The following TAL1 variants were observed in gnomAD, a reference collection of about 807,000 sequenced individuals.
TAL1 encodes the protein T-cell acute lymphocytic leukemia protein 1.
In TAL1, 8 loss-of-function variants were observed where a neutral mutation model predicts 17.9. That is an observed-to-expected ratio of 0.45 (90% confidence interval 0.26 to 0.81). The LOEUF is 0.81. TAL1 is among the 30% of genes least tolerant of loss of function. The probability of loss-of-function intolerance (pLI) is 0.17; values close to 1 mark genes in which losing one functional copy is unlikely to be tolerated. For synonymous variants in TAL1, 223 were observed against 218.6 expected, an observed-to-expected ratio of 1.02 and a Z score of -0.18; for missense variants, 466 against 486.9, an observed-to-expected ratio of 0.96 and a Z score of 0.40.
upstream of TAL1, chr1:47,231,265 A>T (rs562590072): frequency 5.2e-6 from 1 of 191,910 alleles, no homozygotes; most frequent in East Asian, 8.1e-5. Context: ...TCCCGAATAC[A>T]TCATAATTTG....
chr1:47,220,071 G>A, exon 4 of TAL1: 1 of 1,613,930 alleles, frequency 6.2e-7, no homozygotes, highest in South Asian at 1.1e-5. Flanking sequence ...GGGGATGTGT[G>A]GGGATCAGCT....
chr1:47,219,894 G>GGGGCCCCCCCCCC lies in TAL1; in HGVS notation c.821_822insGGGGGGGGGGCCC (p.Ala275GlyfsTer9). ...CTTGCAGGAGGTCATCTGGGGGCGC[G>GGGGCCCCCCCCCC]CCGCCCCCTCCCCCACCTCCACCCC... On this transcript the variant is annotated frameshift_variant, in exon 4 of 4. Coordinates refer to ENST00000294339, the Ensembl canonical transcript of TAL1. LOFTEE classifies it high-confidence loss of function. 1 of 1,556,032 alleles carries GGGGCCCCCCCCCC rather than the reference G, an allele frequency of 6.4e-7. No individual in the cohort carries two copies.
At chr1:47,231,451 C>G (rs1161272001), upstream of TAL1, among the ~76,000 whole-genome samples, 1 of 151,838 alleles carries the variant, frequency 6.6e-6, no homozygotes, top group Non-Finnish European at 1.5e-5. Flanking sequence ...GGTCCAGCCC[C>G]ACAGAAGGGC....
chr1:47,225,586 CG>C lies in TAL1; in HGVS notation c.302del (p.Pro101ArgfsTer21). The C allele has an allele frequency of 1.6e-6, 2 of 1,287,252 alleles. No individual in the cohort carries two copies. Among genetic ancestry groups the C allele is most frequent in the Non-Finnish European group, 2.0e-6 (2 of 1,024,560 alleles). The allele number at this position is 1,287,252 out of a possible 1,614,324, so 79.7% of individuals were successfully genotyped here. On this transcript the variant is annotated frameshift_variant, in exon 2 of 4. Coordinates refer to ENST00000294339, the Ensembl canonical transcript of TAL1. LOFTEE classifies it high-confidence loss of function. Reference sequence around the variant, plus strand: ...CTGTAACCGAGGCGGGCGCGGGGGCCGGGGCGGGCCCGGGAGGTCTGCACAG... The same window carrying C: ...CTGTAACCGAGGCGGGCGCGGGGGCCGGGCGGGCCCGGGAGGTCTGCACAG...
At chr1:47,225,332 C>A in intron 2 of TAL1, 111 bp downstream of exon 3, 2 of 1,040,094 alleles carry the variant, frequency 1.9e-6, no homozygotes, top group Non-Finnish European at 1.2e-6. Flanking sequence ...CTGCGCTCCA[C>A]CCGCTCGGCC....
In TAL1 at chr1:47,223,897, C is replaced by A. The variant is rs1643869987; in HGVS notation, c.541+107G>T. ...GGCAGTTTGGGTTTGGAAAGTGGCC[C>A]GCCCATCTTTGTGAGATACCTACGG... On this transcript the variant is annotated intron_variant, in intron 3 of 3. Coordinates refer to ENST00000294339, the Ensembl canonical transcript of TAL1. 3.5e-6 allele frequency: 4 copies of A among 1,135,858 alleles called. No homozygotes were observed. In the South Asian group the frequency reaches 4.1e-5, roughly 12 times the overall value. 70.4% of individuals were successfully genotyped at this position (1,135,858 alleles called of 1,614,324 possible). A position where few individuals can be genotyped will look rare whatever the true frequency, so the allele number is the denominator to read the frequency against.
chr1:47,217,928 G>A (rs1645531680), exon 4 of TAL1: 1 of 396,738 alleles, frequency 2.5e-6, no homozygotes, highest in South Asian at 1.4e-4. Flanking sequence ...GCCTGAAATT[G>A]AATGGAGAGC....
chr1:47,228,195 C>T (rs1643941702), intron 1 of TAL1: 1 of 167,602 alleles, frequency 6.0e-6, no homozygotes, highest in Non-Finnish European at 1.3e-5. Context: ...TGTGGAGGAC[C>T]TCTCCCGGCT....
chr1:47,229,847 C>A (rs1360213801), upstream of TAL1: 1 of 151,890 alleles, frequency 6.6e-6, no homozygotes, highest in Non-Finnish European at 1.5e-5. Flanking sequence ...ACCTTGAAGT[C>A]CCCCCCACCT....
At position 47,224,048 on chromosome 1, in the gene TAL1, C is replaced by CCTCTT; in HGVS notation, c.496_497insAAGAG (p.Arg166GlnfsTer4). ...ATAGGGGGAAGGTCTCCTCTTCACT[C>CCTCTT]GATTGTTGGTGGTGAACATAGGGAA... On this transcript the variant is annotated frameshift_variant, in exon 3 of 4. Coordinates refer to ENST00000294339, the Ensembl canonical transcript of TAL1. LOFTEE classifies it high-confidence loss of function. 6.2e-7 allele frequency: 1 copy of CCTCTT among 1,613,880 alleles called. No individual in the cohort carries two copies. Among genetic ancestry groups the CCTCTT allele is most frequent in the East Asian group, 2.2e-5 (1 of 44,870 alleles).
At chr1:47,216,442 A>T (rs1210720585) in exon 4 of TAL1, 1 of 229,566 alleles carries the variant, frequency 4.4e-6, no homozygotes, top group South Asian at 1.8e-4. Context: ...TGGAGCGGTT[A>T]CTCCTCTTCT....
chr1:47,221,231 G>C (rs146578991), intron 3 of TAL1, among the ~76,000 whole-genome samples: 95 of 152,314 alleles, frequency 6.2e-4, no homozygotes, highest in African/African-American at 2.2e-3. Context: ...AGCAGAGATC[G>C]ATGCAGAAGG....
chr1:47,230,176 G>T (rs369765972), upstream of TAL1: 2 of 152,180 alleles, frequency 1.3e-5, no homozygotes, highest in African/African-American at 4.8e-5. Context: ...ACAGAGTAAG[G>T]GAGAATTCTA....
At chr1:47,216,639 G>A (rs936009633) in exon 4 of TAL1, 7 of 231,742 alleles carry the variant, frequency 3.0e-5, no homozygotes, top group Non-Finnish European at 5.1e-5. Flanking sequence ...AATAGTTGTC[G>A]GCTGACTACA....
At chr1:47,230,568 T>G (rs2148597373), upstream of TAL1, 1 of 152,274 alleles carries the variant, frequency 6.6e-6, no homozygotes, top group South Asian at 2.1e-4. Flanking sequence ...ATGTTTGCCT[T>G]ATGACCAAGT....
exon 4 of TAL1, chr1:47,219,234 G>A: frequency 2.3e-6 from 1 of 443,028 alleles, no homozygotes; most frequent in Non-Finnish European, 4.3e-6. Flanking sequence ...AGGCCTGGGT[G>A]AAGATGGGGC....
chr1:47,225,868 G>T (rs970296024), exon 2 of TAL1: 1 of 1,580,932 alleles, frequency 6.3e-7, no homozygotes. Context: ...GAGCCGCCTC[G>T]CTCGGCGGCC....
chr1:47,224,140 G>A (rs752503575), intron 2 of TAL1, 42 bp from the exon 4 acceptor site: 4 of 1,596,556 alleles, frequency 2.5e-6, no homozygotes, highest in Non-Finnish European at 3.4e-6. Flanking sequence ...CCATGTTGAG[G>A]GGAGGGGAGA....
upstream of TAL1, chr1:47,232,231 G>T: frequency 5.7e-6 from 1 of 176,852 alleles, no homozygotes. Context: ...GCGGCGGCCC[G>T]GCCCCTCCCG....
Sources: gnomAD v4.1 joint callset for allele counts (sites outside exome capture counted in the v4.1 genomes callset) on GRCh38, gnomAD v4.1.1 for gene constraint, MANE v1.5 for transcripts, NCBI Gene and HGNC (gene_info 2026-07-23, HGNC 2026-07-21) for gene names.